MUC4: variants seen among roughly 807,000 people sequenced by gnomAD.
MUC4 encodes the protein mucin-4.
Under a neutral mutation model 257.9 loss-of-function variants are expected in MUC4, and 202 were observed. The observed-to-expected ratio is 0.78, with a 90% CI of 0.70 to 0.88. MUC4 has a LOEUF of 0.88. Ranked by LOEUF, MUC4 falls within the 40% of genes least tolerant of loss-of-function variation. MUC4 has a pLI of 0.00. For missense variants in MUC4, 5,976 were observed against 6,513.7 expected (o/e 0.92, Z 2.84); for synonymous variants, 2,351 against 2,757.1 (o/e 0.85, Z 4.62).
In MUC4 at chr3:195,786,403, G is replaced by T. The variant is rs1303182788; in HGVS notation, c.5177C>A (p.Thr1726Asn). The T allele has an allele frequency of 5.9e-6, 9 of 1,533,268 alleles. No individual in the cohort carries two copies. Among genetic ancestry groups the T allele is most frequent in the South Asian group, 3.6e-5 (3 of 83,234 alleles). 95.0% of individuals were successfully genotyped at this position (1,533,268 alleles called of 1,614,324 possible). Residue 1726 changes from threonine to asparagine, a missense_variant, in exon 2 of 25, where the codon ACC becomes AAC. This residue lies in a region of MUC4 where 138 missense variants were observed against 107.8 expected (regional missense o/e 1.28). Coordinates refer to ENST00000463781, the MANE Select transcript of MUC4 (RefSeq NM_018406.7). Reference protein sequence around the residue: ...TSLSSVSTGDTTPLPVTSPSS... With the variant: ...TSLSSVSTGDNTPLPVTSPSS... ...AGGGCTAGTGACAGGAAGAGGCGTG[G>T]TGTCACCTGTGGATACTGAGGAAAG... is the stretch of plus-strand genomic sequence containing the variant.
rs180917863 is a variant in MUC4, at chr3:195,760,939, G to C, written c.14793C>G (p.Ile4931Met). Residue 4931 changes from isoleucine to methionine, a missense_variant, in exon 16 of 25, where the codon ATC (isoleucine) becomes ATG (methionine). Transcript: ENST00000463781. The part of the protein sequence containing the change: ...YDTLALRNAS[I>M]GLHTREVSKN... ...TACTGACTTCCCTCGTGTGAAGTCC[G>C]ATGCTTGCGTTGCGCAGGGCCAGGG... 5.6e-6 allele frequency: 9 copies of C among 1,614,222 alleles called. No individual in the cohort carries two copies. Among genetic ancestry groups the C allele is most frequent in the African/African-American group, 1.3e-5 (1 of 75,046 alleles).
Position 195,782,248 on chromosome 3 carries a change from G to C in MUC4, c.9332C>G (p.Ser3111Cys), listed in dbSNP as rs776839221. 6.5e-7 allele frequency: 1 copy of C among 1,529,308 alleles called. No individual in the cohort carries two copies. Among genetic ancestry groups the C allele is most frequent in the Non-Finnish European group, 8.8e-7 (1 of 1,135,742 alleles). 94.7% of individuals were successfully genotyped at this position (1,529,308 alleles called of 1,614,324 possible). A position where few individuals can be genotyped will look rare whatever the true frequency, so the allele number is the denominator to read the frequency against. ...DTTPLPVTSP[S>C]SASTGHTTPL... The stretch of plus-strand genomic sequence containing the variant: ...GGTGGTGTGACCTGTGGATGCTGAG[G>C]AAGGGCTAGTGACAGGAAGAGGCGT... Residue 3111 changes from serine (S) to cysteine (C), a missense_variant, in exon 2 of 25, where the codon TCC becomes TGC. Ser to Cys is a moderately radical substitution (Grantham distance 112). This residue lies in a region of MUC4 where 128 missense variants were observed against 104.8 expected (regional missense o/e 1.22). Transcript: ENST00000463781.
rs754969183 is a variant in MUC4 at position 195,789,861 on chromosome 3, G to T, written c.1719C>A (p.Thr573=). 3.7e-6 allele frequency: 6 copies of T among 1,613,950 alleles called. No individual in the cohort carries two copies. The highest frequency in any genetic ancestry group is 2.2e-5 in the East Asian group (1 of 44,882). ...AQTQWTQETG[T]TGEALLSSPS... ...GGCTGCTGAGAAGAGCCTCTCCAGT[G>T]GTCCCCGTTTCTTGTGTCCATTGTG... The change falls in exon 2 of 25, where the codon ACC becomes ACA. Residue 573 remains threonine, a synonymous_variant. Coordinates refer to ENST00000463781, the MANE Select transcript of MUC4 (RefSeq NM_018406.7).
At chr3:195,747,482 G>A in intron 24 of MUC4, 102 bp from the exon 25 acceptor site, 5 of 1,329,950 alleles carry the variant, frequency 3.8e-6, no homozygotes, top group Non-Finnish European at 5.2e-6. Flanking sequence ...GAGAGGCTGG[G>A]CTCGCCCCAC....
chr3:195,753,547 C>T, intron 19 of MUC4: 3 of 444,850 alleles, frequency 6.7e-6, no homozygotes, highest in Non-Finnish European at 1.2e-5. Context: ...CTCTCACGTC[C>T]ATCTCCTTTT....
rs577405894 is a variant in MUC4 at position 195,760,933 on chromosome 3, A to G, written c.14799T>C (p.Leu4933=). 2 of 1,614,116 alleles carry G rather than the reference A, an allele frequency of 1.2e-6. No homozygotes were observed. Among genetic ancestry groups the G allele is most frequent in the East Asian group, 4.5e-5 (2 of 44,892 alleles). Residue 4933 remains leucine (L), a synonymous_variant, in exon 16 of 25, where the codon CTT becomes CTC. Coordinates refer to ENST00000463781, the MANE Select transcript of MUC4 (RefSeq NM_018406.7). The part of the protein sequence containing the change: ...TLALRNASIG[L]HTREVSKNYE... Reference sequence around the variant, plus strand: ...AGTTTTTACTGACTTCCCTCGTGTGAAGTCCGATGCTTGCGTTGCGCAGGG... The same window carrying G: ...AGTTTTTACTGACTTCCCTCGTGTGGAGTCCGATGCTTGCGTTGCGCAGGG...
chr3:195,775,499 GCCA>G (rs1560283986), intron 3 of MUC4, among the ~76,000 whole-genome samples: 46 of 14,540 alleles, frequency 3.2e-3, no homozygotes, highest in Non-Finnish European at 4.3e-3. Flanking sequence ...ACCTTCCACA[GCCA>G]TACCTTCCAC....
Position 195,783,403 on chromosome 3 carries a change from G to C in MUC4, c.8177C>G (p.Thr2726Ser), listed in dbSNP as rs1314191128. The change falls in exon 2 of 25, where the codon ACT (threonine) becomes AGT (serine). Residue 2726 changes from threonine to serine, a missense_variant. Physicochemically the swap from Thr to Ser is moderately conservative, Grantham distance 58. Around this residue, in one of 44 missense-constraint regions of MUC4, gnomAD observed 75 missense variants for 58.7 expected, o/e 1.28. Transcript: ENST00000463781. ...GGTGTCACCTGTGGATGATGAGGAA[G>C]TGTCGGTGACAGGAAGAGAGGTGGT... ...GDTTSLPVTD[T>S]SSSSTGDTTP... 2 of 786,138 alleles carry C rather than the reference G, an allele frequency of 2.5e-6. No individual in the cohort carries two copies. Among genetic ancestry groups the C allele is most frequent in the Admixed American group, 4.0e-5 (1 of 24,994 alleles). The allele number at this position is 786,138 out of a possible 1,614,324, so 48.7% of individuals were successfully genotyped here. A position where few individuals can be genotyped will look rare whatever the true frequency, so the allele number is the denominator to read the frequency against.
intron 1 of MUC4, among the ~76,000 whole-genome samples, chr3:195,798,574 G>T (rs1220949922): frequency 6.6e-6 from 1 of 151,492 alleles, no homozygotes; most frequent in Non-Finnish European, 1.5e-5. Flanking sequence ...CGTGGTGGCG[G>T]GCGCCTGTAG....
At chr3:195,800,083 G>A (rs1030216946) in intron 1 of MUC4, among the ~76,000 whole-genome samples, 1 of 152,052 alleles carries the variant, frequency 6.6e-6, no homozygotes, top group Non-Finnish European at 1.5e-5. Context: ...TTCAAGACCA[G>A]CCTGGCCAAC....
At chr3:195,767,611 GCCACCACCATCACCACCATCA>G (rs1180640687) in intron 7 of MUC4, among the ~76,000 whole-genome samples, 4 of 14,774 alleles carry the variant, frequency 2.7e-4, no homozygotes, top group Admixed American at 1.7e-3. Flanking sequence ...CATCACCATT[GCCACCACCATCACCACCATCA>G]CCACCACCAT....
Position 195,751,033 on chromosome 3 carries a change from G to C in MUC4, c.15727C>G (p.Pro5243Ala), listed in dbSNP as rs527665733. ...ISEFQYRPRG[P>A]VIDFLNNQLL... Reference sequence around the variant, plus strand: ...TGGTTGTTCAGGAAGTCAATGACCGGGCCCCGAGGGCGGTACTGGAACTCC... The same window carrying C: ...TGGTTGTTCAGGAAGTCAATGACCGCGCCCCGAGGGCGGTACTGGAACTCC... The change falls in exon 23 of 25, where the codon CCG becomes GCG. Residue 5243 changes from proline to alanine, a missense_variant. Pro to Ala is a conservative substitution (Grantham distance 27). This residue lies in a region of MUC4 where 310 missense variants were observed against 242.1 expected (regional missense o/e 1.28). Transcript: ENST00000463781. 1.8e-5 allele frequency: 29 copies of C among 1,613,898 alleles called. No homozygotes were observed. The South Asian group carries it at 3.0e-4, about 17-fold the overall frequency.
chr3:195,778,830 G>A lies in MUC4; in HGVS notation c.12750C>T (p.Ser4250=). ...TCAGAGGGGAGTCCGAGGATACTGT[G>A]GAAGCTGAGGTAGCACTGCTGACAG... is the stretch of plus-strand genomic sequence containing the variant. ...PLAVSSATSA[S]TVSSDSPLKM... is the part of the protein sequence containing the mutation. The change falls in exon 2 of 25, where the codon TCC becomes TCT. Residue 4250 remains serine (S), a synonymous_variant. Coordinates refer to ENST00000463781, the MANE Select transcript of MUC4 (RefSeq NM_018406.7). 1.9e-6 allele frequency: 3 copies of A among 1,612,304 alleles called. No homozygotes were observed. Among genetic ancestry groups the A allele is most frequent in the Non-Finnish European group, 8.5e-7 (1 of 1,179,512 alleles).
Position 195,784,677 on chromosome 3 carries a change from G to A in MUC4, c.6903C>T (p.His2301=), listed in dbSNP as rs202035741. Residue 2301 remains histidine, a synonymous_variant, in exon 2 of 25, where the codon CAC becomes CAT. Transcript: ENST00000463781. ...CGTCGGTGACATGAAGAGGGGTGGC[G>A]TGACCTGTGGATGCTGAGGAAGGGC... ...VTSPSSASTG[H]ATPLHVTDAS... 15 of 1,430,960 alleles carry A rather than the reference G, an allele frequency of 1.0e-5. 1 individual carries two copies. In the South Asian group the frequency reaches 1.1e-4, roughly 11 times the overall value. The allele number at this position is 1,430,960 out of a possible 1,614,324, so 88.6% of individuals were successfully genotyped here.
chr3:195,785,497 C>A lies in MUC4; in HGVS notation c.6083G>T (p.Gly2028Val). 6.6e-7 allele frequency: 1 copy of A among 1,511,594 alleles called. No homozygotes were observed. Among genetic ancestry groups the A allele is most frequent in the Non-Finnish European group, 8.9e-7 (1 of 1,123,690 alleles). The allele number at this position is 1,511,594 out of a possible 1,614,324, so 93.6% of individuals were successfully genotyped here. A position where few individuals can be genotyped will look rare whatever the true frequency, so the allele number is the denominator to read the frequency against. The change falls in exon 2 of 25, where the codon GGT (glycine) becomes GTT (valine). Residue 2028 changes from glycine (G) to valine (V), a missense_variant. By Grantham distance (109) the Gly-to-Val change is moderately radical. Around this residue, in one of 44 missense-constraint regions of MUC4, gnomAD observed 85 missense variants for 325.0 expected, o/e 0.26. Transcript: ENST00000463781. The part of the protein sequence containing the change: ...PVTSLSSAST[G>V]DTTPLPVTDT... ...GGTGACAGGAAGCGGCGTGGTGTCA[C>A]CAGTGGATGCTGAGGAAAGGCTGGT...
chr3:195,749,336 AG>A (rs1715879736), intron 23 of MUC4, among the ~76,000 whole-genome samples: 1 of 144,548 alleles, frequency 6.9e-6, no homozygotes, highest in South Asian at 2.1e-4. Flanking sequence ...CTAGGGAAAA[AG>A]GTTCCTGTGG....
At chr3:195,794,626 T>C (rs992381123) in intron 1 of MUC4, among the ~76,000 whole-genome samples, 2 of 152,130 alleles carry the variant, frequency 1.3e-5, no homozygotes, top group African/African-American at 4.8e-5. Context: ...ACTCTCAAAG[T>C]ACTGGGATTA....
chr3:195,788,763 A>G lies in MUC4; in HGVS notation c.2817T>C (p.Pro939=), dbSNP rs1448656170. Reference sequence around the variant, plus strand: ...TAAGCCCAGTGGATGTGATCGATGGAGGTGTGGGTGGGACTGTTGAGAAGG... The same window carrying G: ...TAAGCCCAGTGGATGTGATCGATGGGGGTGTGGGTGGGACTGTTGAGAAGG... ...TDTFSTVPPT[P]PSITSTGLTS... Residue 939 remains proline, a synonymous_variant, in exon 2 of 25, where the codon CCT becomes CCC. Transcript: ENST00000463781. 1.2e-6 allele frequency: 2 copies of G among 1,613,598 alleles called. No homozygotes were observed. Among genetic ancestry groups the G allele is most frequent in the Non-Finnish European group, 1.7e-6 (2 of 1,179,762 alleles).
intron 1 of MUC4, among the ~76,000 whole-genome samples, chr3:195,808,636 C>T (rs1736301022): frequency 6.6e-6 from 1 of 152,242 alleles, no homozygotes; most frequent in South Asian, 2.1e-4. Flanking sequence ...AAAGGCGTTG[C>T]CTGTGTTCCC....
Sources: allele counts gnomAD v4.1 joint callset (sites outside exome capture counted in the v4.1 genomes callset), GRCh38; gene constraint gnomAD v4.1.1; regional missense constraint gnomAD v4.1.1; transcripts MANE v1.5; gene names NCBI Gene and HGNC (gene_info 2026-07-23, HGNC 2026-07-21).